The following NALCN variants were observed in gnomAD, a reference collection of about 807,000 sequenced individuals.
NALCN encodes sodium leak channel NALCN.
A neutral mutation model predicts 225.3 loss-of-function variants in NALCN; 111 were observed. The ratio of observed to expected loss-of-function variants is 0.49; its 90% CI spans 0.42 to 0.58. The LOEUF is 0.58. Among genes scored for constraint, NALCN ranks in the 20% least tolerant of loss-of-function variants. NALCN has a pLI of 0.00. For synonymous variants in NALCN, 764 were observed against 769.0 expected (o/e 0.99, Z 0.11); for missense variants, 1,378 against 2,202.4 (o/e 0.63, Z 7.49).
chr13:101,364,724 A>G (rs1486915138), intron 6 of NALCN, among the ~76,000 whole-genome samples: 3 of 152,206 alleles, frequency 2.0e-5, no homozygotes, highest in African/African-American at 7.2e-5. Context: ...CAAAATAGCT[A>G]GTAGAGAATA....
chr13:101,284,835 G>A (rs1315795562), intron 9 of NALCN, among the ~76,000 whole-genome samples: 3 of 152,110 alleles, frequency 2.0e-5, no homozygotes, highest in Non-Finnish European at 1.5e-5. Context: ...TATTACCTAT[G>A]TGTCAATATT....
intron 13 of NALCN, among the ~76,000 whole-genome samples, chr13:101,200,771 G>T (rs1450952934): frequency 5.9e-5 from 9 of 152,114 alleles, no homozygotes; most frequent in African/African-American, 9.7e-5. Flanking sequence ...TTAGAGTTAG[G>T]TGAAGGCAAA....
chr13:101,363,069 T>C lies in NALCN; in HGVS notation c.644+13631A>G, dbSNP rs1164388828. Among the ~76,000 whole-genome samples, 3 of 151,880 alleles carry C rather than the reference T, an allele frequency of 2.0e-5. No individual in the cohort carries two copies. The East Asian group carries it at 5.8e-4, about 29-fold the overall frequency. Reference sequence around the variant, plus strand: ...ATCTCTACAATGAAAACTATAACACTCTGATGAAAGAAATTGAAGTGGACA... The same window carrying C: ...ATCTCTACAATGAAAACTATAACACCCTGATGAAAGAAATTGAAGTGGACA... On this transcript the variant is annotated intron_variant, in intron 6 of 43. Coordinates refer to ENST00000251127, the MANE Select transcript of NALCN (RefSeq NM_052867.4).
rs59471123 is a variant in NALCN at position 101,276,062 on chromosome 13, CAAAAAAAAAAAAAAA to C, written c.1134+7856_1134+7870del. Among the ~76,000 whole-genome samples, 519 of 84,350 alleles carry C rather than the reference CAAAAAAAAAAAAAAA, an allele frequency of 6.2e-3. 5 individuals are homozygous for C. The highest frequency in any genetic ancestry group is 0.02 in the African/African-American group (455 of 22,634). The allele number at this position is 84,350 out of a possible 152,430, so 55.3% of individuals were successfully genotyped here. A position where few individuals can be genotyped will look rare whatever the true frequency, so the allele number is the denominator to read the frequency against. On this transcript the variant is annotated intron_variant, in intron 10 of 43. Transcript: ENST00000251127. ...CTGATGACAGAGCGAGACTCCTTCT[CAAAAAAAAAAAAAAA>C]AAAAAAAAAAAAAAAGGAACAGGCA...
At chr13:101,338,891 C>T (rs955817701) in intron 7 of NALCN, among the ~76,000 whole-genome samples, 1 of 152,216 alleles carries the variant, frequency 6.6e-6, no homozygotes, top group Non-Finnish European at 1.5e-5. Flanking sequence ...GTGAGTTCAG[C>T]CTGCCTCTGC....
At chr13:101,188,695 T>TA (rs2039555231) in intron 14 of NALCN, among the ~76,000 whole-genome samples, 6 of 150,954 alleles carry the variant, frequency 4.0e-5, no homozygotes, top group Non-Finnish European at 7.4e-5. Flanking sequence ...TATATATATA[T>TA]TTTTTTGAGA....
intron 6 of NALCN, among the ~76,000 whole-genome samples, chr13:101,351,187 G>T (rs2045898077): frequency 6.6e-6 from 1 of 152,104 alleles, no homozygotes; most frequent in African/African-American, 2.4e-5. Context: ...GTAAACTACA[G>T]AAACTCTTTA....
At chr13:101,343,740 C>G (rs2045629949) in intron 7 of NALCN, among the ~76,000 whole-genome samples, 1 of 152,192 alleles carries the variant, frequency 6.6e-6, no homozygotes, top group Non-Finnish European at 1.5e-5. Flanking sequence ...CAAGTCAGCA[C>G]AGTACAAGGA....
chr13:101,284,465 A>T (rs2043272316), intron 9 of NALCN, among the ~76,000 whole-genome samples: 1 of 152,170 alleles, frequency 6.6e-6, no homozygotes, highest in African/African-American at 2.4e-5. Context: ...CCTGGCTTGG[A>T]CTACCATGGT....
intron 15 of NALCN, among the ~76,000 whole-genome samples, chr13:101,152,089 CA>C (rs2037678497): frequency 6.6e-6 from 1 of 152,096 alleles, no homozygotes; most frequent in African/African-American, 2.4e-5. Flanking sequence ...CCAGTATATC[CA>C]AGGTCAAAGT....
intron 7 of NALCN, among the ~76,000 whole-genome samples, chr13:101,314,925 G>A (rs505630): frequency 0.41 from 61,978 of 151,808 alleles, 13,023 homozygotes; most frequent in Middle Eastern, 0.47. Context: ...TCCCACTGGC[G>A]GGAAGAGGAC....
intron 17 of NALCN, among the ~76,000 whole-genome samples, chr13:101,137,837 C>T (rs188397458): frequency 6.6e-6 from 1 of 152,256 alleles, no homozygotes; most frequent in Admixed American, 6.5e-5. Flanking sequence ...GTTTGAGAGG[C>T]ACAGAACATA....
At chr13:101,084,822 GAGA>G (rs985425111) in intron 30 of NALCN, among the ~76,000 whole-genome samples, 29 of 152,248 alleles carry the variant, frequency 1.9e-4, no homozygotes, top group Admixed American at 1.5e-3. Flanking sequence ...TGATCTCTAG[GAGA>G]AGAATTGATG....
chr13:101,346,125 A>G (rs907750891), intron 6 of NALCN, among the ~76,000 whole-genome samples: 3 of 137,840 alleles, frequency 2.2e-5, no homozygotes, highest in African/African-American at 8.1e-5. Flanking sequence ...TGTTATTTGC[A>G]AAATTGTGTA....
rs1161060224 is a variant in NALCN, at chr13:101,291,860, T to C, written c.1047+130A>G. On this transcript the variant is annotated intron_variant, in intron 9 of 43. Transcript: ENST00000251127. ...CCACTGTGCCTGACTGGCAACTGTATTTTTAAACAGCTTCCTGAGTCAGAC... is the reference window on the plus strand; with the variant it reads ...CCACTGTGCCTGACTGGCAACTGTACTTTTAAACAGCTTCCTGAGTCAGAC... The C allele has an allele frequency of 2.1e-5, 20 of 932,116 alleles. No individual in the cohort carries two copies. The East Asian group carries it at 5.3e-4, about 25-fold the overall frequency. The allele number at this position is 932,116 out of a possible 1,614,324, so 57.7% of individuals were successfully genotyped here. A position where few individuals can be genotyped will look rare whatever the true frequency, so the allele number is the denominator to read the frequency against.
intron 10 of NALCN, among the ~76,000 whole-genome samples, chr13:101,271,127 C>T (rs376020757): frequency 9.9e-5 from 15 of 152,222 alleles, no homozygotes; most frequent in Admixed American, 7.8e-4. Flanking sequence ...CTGCATATTT[C>T]TTCCAGTGAG....
intron 7 of NALCN, among the ~76,000 whole-genome samples, chr13:101,326,877 C>A (rs893361757): frequency 6.6e-6 from 1 of 152,154 alleles, no homozygotes; most frequent in Non-Finnish European, 1.5e-5. Context: ...GGCTGGCTGA[C>A]CTCAGTTCTC....
intron 2 of NALCN, among the ~76,000 whole-genome samples, chr13:101,397,384 T>C (rs2139500394): frequency 6.6e-6 from 1 of 150,414 alleles, no homozygotes; most frequent in East Asian, 2.0e-4. Context: ...TATACATATA[T>C]CATGTATAGT....
At chr13:101,134,830 C>T (rs543952034) in intron 17 of NALCN, among the ~76,000 whole-genome samples, 3 of 152,136 alleles carry the variant, frequency 2.0e-5, no homozygotes. Flanking sequence ...GTGCAAAAAT[C>T]GAGGGAAAAG....
Sources: gnomAD v4.1 joint callset for allele counts (sites outside exome capture counted in the v4.1 genomes callset) on GRCh38, gnomAD v4.1.1 for gene constraint, MANE v1.5 for transcripts, NCBI Gene and HGNC (gene_info 2026-07-23, HGNC 2026-07-21) for gene names.